Variants in PKN2 observed in about 807,000 individuals in gnomAD.
The protein encoded by PKN2 is protein kinase N2.
A neutral mutation model predicts 119.1 loss-of-function variants in PKN2; 38 were observed. That is an observed-to-expected ratio of 0.32 (90% CI 0.25 to 0.42). The LOEUF (loss-of-function observed/expected upper bound fraction) is 0.42, where lower values mean the gene tolerates loss of function less well. Ranked by LOEUF, PKN2 falls within the 10% of genes least tolerant of loss-of-function variation. The pLI, the probability that PKN2 is intolerant of heterozygous loss-of-function variation, is 1.00. For synonymous variants in PKN2, 390 were observed against 384.9 expected, an observed-to-expected ratio of 1.01 and a Z score of -0.15; for missense variants, 850 against 1,165.1, an observed-to-expected ratio of 0.73 and a Z score of 3.94.
At chr1:88,824,576 C>T (rs1187972727) in intron 18 of PKN2, among the ~76,000 whole-genome samples, 190 bp downstream of exon 18, 1 of 152,022 alleles carries the variant, frequency 6.6e-6, no homozygotes, top group Non-Finnish European at 1.5e-5. Context: ...TCTCTGAATA[C>T]AAATAAGGTT....
chr1:88,807,315 T>C lies in PKN2; in HGVS notation c.1806T>C (p.Asp602=), dbSNP rs1203797874. Residue 602 remains aspartate (D), a splice_region_variant and synonymous_variant, in exon 13 of 22, where the codon GAT becomes GAC. Coordinates refer to ENST00000370521, the MANE Select transcript of PKN2 (RefSeq NM_006256.4). ...CACGTGTATTTAATATTTTACAGGA[T>C]TCAGAGACTGTTTTTGATATTCAGA... ...ELRVLDIPGQ[D]SETVFDIQND... 5.2e-6 allele frequency: 8 copies of C among 1,552,898 alleles called. No homozygotes were observed. The highest frequency in any genetic ancestry group is 6.2e-6 in the Non-Finnish European group (7 of 1,137,200).
intron 2 of PKN2, among the ~76,000 whole-genome samples, chr1:88,752,586 A>AC (rs1269408998): frequency 2.0e-5 from 3 of 152,158 alleles, no homozygotes; most frequent in Non-Finnish European, 4.4e-5. Context: ...ACATAATTGA[A>AC]CACCTACACA....
intron 8 of PKN2, among the ~76,000 whole-genome samples, chr1:88,795,131 A>G (rs551101597): frequency 6.6e-6 from 1 of 152,152 alleles, no homozygotes; most frequent in Non-Finnish European, 1.5e-5. Context: ...CTTTTGTTTT[A>G]TAGATTAGAT....
chr1:88,798,050 C>T (rs1028200164), intron 8 of PKN2, among the ~76,000 whole-genome samples: 1 of 151,626 alleles, frequency 6.6e-6, no homozygotes, highest in Non-Finnish European at 1.5e-5. Context: ...GCAAAAGCAC[C>T]AGAGGTATTC....
chr1:88,759,048 T>C (rs918423247), intron 2 of PKN2, among the ~76,000 whole-genome samples: 1 of 152,232 alleles, frequency 6.6e-6, no homozygotes, highest in African/African-American at 2.4e-5. Flanking sequence ...CGCTAGCCTC[T>C]GTTATTTTTT....
At chr1:88,725,540 A>G (rs998146308) in intron 1 of PKN2, among the ~76,000 whole-genome samples, 5 of 152,192 alleles carry the variant, frequency 3.3e-5, no homozygotes, top group Non-Finnish European at 5.9e-5. Context: ...GTTTGCCGTT[A>G]TATATCCTCT....
chr1:88,703,386 CAT>C (rs1666850855), intron 1 of PKN2, among the ~76,000 whole-genome samples: 1 of 152,136 alleles, frequency 6.6e-6, no homozygotes, highest in Middle Eastern at 3.4e-3. Flanking sequence ...GTATATCAGA[CAT>C]GTGCTGGTTT....
chr1:88,712,120 G>C (rs1667259379), intron 1 of PKN2, among the ~76,000 whole-genome samples: 1 of 151,652 alleles, frequency 6.6e-6, no homozygotes, highest in South Asian at 2.1e-4. Flanking sequence ...ATATATTATG[G>C]GCTTAAAAGT....
rs1434652643 is a variant in PKN2 at position 88,834,835 on chromosome 1, T to C, written c.*1387T>C. ...TTTGTTTTGGTTTGGTTTGATTTTATATTTTTTTCTCCTAATCTATGACTT... is the reference window on the plus strand; with the variant it reads ...TTTGTTTTGGTTTGGTTTGATTTTACATTTTTTTCTCCTAATCTATGACTT... On this transcript the variant is annotated 3_prime_UTR_variant, in exon 22 of 22. Transcript: ENST00000370521. 1 of 152,482 alleles carries C rather than the reference T, an allele frequency of 6.6e-6. No individual in the cohort carries two copies. Among genetic ancestry groups the C allele is most frequent in the Non-Finnish European group, 1.5e-5 (1 of 67,948 alleles). The allele number at this position is 152,482 out of a possible 1,614,324, so 9.4% of individuals were successfully genotyped here.
intron 8 of PKN2, among the ~76,000 whole-genome samples, chr1:88,792,905 G>T (rs1210129319): frequency 6.6e-6 from 1 of 152,092 alleles, no homozygotes; most frequent in Non-Finnish European, 1.5e-5. Context: ...TATTATTCAA[G>T]GTTTATGGTA....
At chr1:88,723,300 A>G (rs2100710005) in intron 1 of PKN2, among the ~76,000 whole-genome samples, 1 of 151,922 alleles carries the variant, frequency 6.6e-6, no homozygotes, top group South Asian at 2.1e-4. Context: ...TTCAGTAGAG[A>G]CGGGGTTTCA....
intron 1 of PKN2, among the ~76,000 whole-genome samples, chr1:88,686,682 C>T (rs6428478): frequency 1.3e-5 from 2 of 151,878 alleles, no homozygotes; most frequent in African/African-American, 4.8e-5. Context: ...AAAATGTTTG[C>T]GACTATTACT....
intron 1 of PKN2, among the ~76,000 whole-genome samples, chr1:88,739,596 T>C (rs1354604727): frequency 6.6e-6 from 1 of 152,224 alleles, no homozygotes; most frequent in East Asian, 1.9e-4. Flanking sequence ...GCACAGTGTG[T>C]CTTTTTCTTT....
In PKN2 at chr1:88,686,203, G is replaced by A. The variant is rs561545720; in HGVS notation, c.48+1575G>A. 5.4e-4 allele frequency among the ~76,000 whole-genome samples: 82 copies of A among 152,164 alleles called. 2 individuals carry two copies. In the South Asian group the frequency reaches 0.017, roughly 31 times the overall value. ...AAGTCAGAAATACTTTACATTGCCT[G>A]GTCTTGAACCATGAAAAACATACTT... On this transcript the variant is annotated intron_variant, in intron 1 of 21. Transcript: ENST00000370521.
chr1:88,735,445 A>G (rs571053816), intron 1 of PKN2, among the ~76,000 whole-genome samples: 1 of 146,212 alleles, frequency 6.8e-6, no homozygotes, highest in Admixed American at 7.0e-5. Context: ...TACAGATGTG[A>G]ACCATTGTTC....
At chr1:88,743,839 G>T (rs372985782) in intron 2 of PKN2, among the ~76,000 whole-genome samples, 112 of 148,500 alleles carry the variant, frequency 7.5e-4, no homozygotes, top group Middle Eastern at 3.4e-3. Context: ...AGACTTAAAA[G>T]TTTTATGATA....
chr1:88,715,270 T>C lies in PKN2; in HGVS notation c.49-25718T>C, dbSNP rs563382902. On this transcript the variant is annotated intron_variant, in intron 1 of 21. Transcript: ENST00000370521. ...GTATCTCTGCCAGGCTTTGCTATAATGCTGGCCTCATAAAATGAGTTAGGG... is the reference window on the plus strand; with the variant it reads ...GTATCTCTGCCAGGCTTTGCTATAACGCTGGCCTCATAAAATGAGTTAGGG... Among the ~76,000 whole-genome samples, 197 of 151,592 alleles carry C rather than the reference T, an allele frequency of 1.3e-3. 1 individual carries two copies. Among genetic ancestry groups the C allele is most frequent in the Non-Finnish European group, 1.4e-3 (95 of 67,532 alleles).
chr1:88,808,623 A>G (rs1340546468), intron 15 of PKN2, among the ~76,000 whole-genome samples: 1 of 152,186 alleles, frequency 6.6e-6, no homozygotes, highest in Non-Finnish European at 1.5e-5. Flanking sequence ...TTAAAATGCA[A>G]GGATTTGGTG....
At chr1:88,782,649 A>G (rs1429059610) in intron 6 of PKN2, among the ~76,000 whole-genome samples, 3 of 151,508 alleles carry the variant, frequency 2.0e-5, no homozygotes, top group Non-Finnish European at 1.5e-5. Flanking sequence ...AGATATTGCC[A>G]TTTTTTAATC....
Sources: gnomAD v4.1 joint callset for allele counts (sites outside exome capture counted in the v4.1 genomes callset) on GRCh38, gnomAD v4.1.1 for gene constraint, MANE v1.5 for transcripts, NCBI Gene and HGNC (gene_info 2026-07-23, HGNC 2026-07-21) for gene names.